MLLT3: variants seen among roughly 807,000 people sequenced by gnomAD.
MLLT3 encodes the protein MLLT3 super elongation complex subunit.
A neutral mutation model predicts 53.2 loss-of-function variants in MLLT3; 4 were observed. The ratio of observed to expected loss-of-function variants is 0.08; its 90% CI spans 0.04 to 0.17. MLLT3 has a LOEUF of 0.17. Ranked by LOEUF, MLLT3 falls within the 10% of genes least tolerant of loss-of-function variation. MLLT3 has a pLI of 1.00. For synonymous variants in MLLT3, 283 were observed against 230.6 expected, an observed-to-expected ratio of 1.23 and a Z score of -2.06; for missense variants, 569 against 684.0, an observed-to-expected ratio of 0.83 and a Z score of 1.87.
Position 20,621,073 on chromosome 9 carries a change from A to AT in MLLT3, c.13-240dup, listed in dbSNP as rs1820991087. 2.8e-5 allele frequency: 18 copies of AT among 653,354 alleles called. No homozygotes were observed. The highest frequency in any genetic ancestry group is 2.7e-4 in the South Asian group (17 of 62,430). The allele number at this position is 653,354 out of a possible 1,614,324, so 40.5% of individuals were successfully genotyped here. On this transcript the variant is annotated intron_variant, in intron 1 of 10. Coordinates refer to ENST00000380338, the MANE Select transcript of MLLT3 (RefSeq NM_004529.4). The surrounding 1 kb of genome is among the most constrained non-coding windows in gnomAD (Gnocchi z 7.0). ...GGGCCCCGCATCTACATCGGACAGGATTGTAACGGAATGTTATCCCCAGTC... is the reference window on the plus strand; with the variant it reads ...GGGCCCCGCATCTACATCGGACAGGATTTGTAACGGAATGTTATCCCCAGTC...
At chr9:20,430,269 C>T (rs572610506) in intron 4 of MLLT3, among the ~76,000 whole-genome samples, 125 of 152,170 alleles carry the variant, frequency 8.2e-4, no homozygotes, top group African/African-American at 3.0e-3. Context: ...AATGTAATTT[C>T]AATTCAAATC....
intron 2 of MLLT3, among the ~76,000 whole-genome samples, chr9:20,503,918 C>T (rs1443222541): frequency 5.9e-5 from 9 of 152,098 alleles, no homozygotes; most frequent in South Asian, 2.1e-4. Flanking sequence ...TCTCAAAAGA[C>T]GACATACAAA....
At chr9:20,555,842 G>C (rs1291585688) in intron 2 of MLLT3, among the ~76,000 whole-genome samples, 1 of 152,200 alleles carries the variant, frequency 6.6e-6, no homozygotes, top group Non-Finnish European at 1.5e-5. Flanking sequence ...AAATGCTTTT[G>C]CAAGTTGGAT....
intron 4 of MLLT3, among the ~76,000 whole-genome samples, chr9:20,430,985 T>A (rs1015342658): frequency 5.3e-5 from 8 of 152,264 alleles, no homozygotes; most frequent in South Asian, 2.1e-4. Flanking sequence ...TTAATGAACA[T>A]ATAATCACTG....
intron 2 of MLLT3, among the ~76,000 whole-genome samples, chr9:20,485,373 T>C (rs1824782847): frequency 1.3e-5 from 2 of 152,254 alleles, no homozygotes; most frequent in South Asian, 4.1e-4. Flanking sequence ...AATATCTGTT[T>C]TGTTAAAATT....
intron 5 of MLLT3, among the ~76,000 whole-genome samples, chr9:20,377,187 G>C (rs1267455337): frequency 6.6e-6 from 1 of 152,144 alleles, no homozygotes. Context: ...TATTGGAGTT[G>C]ACCAATGAAC....
rs1320014033 is a variant in MLLT3, at chr9:20,448,858, C to T, written c.277-592G>A. Among the ~76,000 whole-genome samples, 1 of 152,140 alleles carries T rather than the reference C, an allele frequency of 6.6e-6. No homozygotes were observed. The highest frequency in any genetic ancestry group is 6.6e-5 in the Admixed American group (1 of 15,264). ...ATCTCACTTGAATGTCACATAAGGG[C>T]CTTCATAATCTGGCTCTTGGCTTCA... is the stretch of plus-strand genomic sequence containing the variant. On this transcript the variant is annotated intron_variant, in intron 3 of 10. Transcript: ENST00000380338. This position sits in a 1 kb window ranked among gnomAD's most constrained non-coding sequence, Gnocchi z 4.0.
chr9:20,560,290 A>G (rs1819169692), intron 2 of MLLT3, among the ~76,000 whole-genome samples: 2 of 152,234 alleles, frequency 1.3e-5, no homozygotes, highest in African/African-American at 4.8e-5. Context: ...GAAGGTATGT[A>G]GTCATTTTTA....
chr9:20,380,756 A>G (rs1821889798), intron 5 of MLLT3, among the ~76,000 whole-genome samples: 1 of 151,984 alleles, frequency 6.6e-6, no homozygotes. Flanking sequence ...CTCCTAAGAG[A>G]TTGGTTTTTA....
chr9:20,354,974 C>T, intron 8 of MLLT3, 95 bp from the exon 9 acceptor site: 1 of 748,034 alleles, frequency 1.3e-6, no homozygotes, highest in Non-Finnish European at 2.3e-6. Flanking sequence ...ATGAAATGTA[C>T]AGTAACATTT....
At chr9:20,490,349 G>A (rs935430078) in intron 2 of MLLT3, among the ~76,000 whole-genome samples, 1 of 152,230 alleles carries the variant, frequency 6.6e-6, no homozygotes, top group African/African-American at 2.4e-5. Context: ...TCAGAGAGAT[G>A]GCGTACAAGA....
chr9:20,442,838 C>T (rs1449720934), intron 4 of MLLT3, among the ~76,000 whole-genome samples: 1 of 152,146 alleles, frequency 6.6e-6, no homozygotes, highest in Non-Finnish European at 1.5e-5. Flanking sequence ...AACAGGACTG[C>T]ATTATGCTGC....
At chr9:20,449,470 C>A (rs775618990) in intron 3 of MLLT3, among the ~76,000 whole-genome samples, 3 of 152,172 alleles carry the variant, frequency 2.0e-5, no homozygotes, top group Non-Finnish European at 4.4e-5. Context: ...TCTTTAGCCA[C>A]GCAAGGTGAA....
intron 2 of MLLT3, among the ~76,000 whole-genome samples, chr9:20,535,508 T>G (rs1818458687): frequency 6.6e-6 from 1 of 151,980 alleles, no homozygotes; most frequent in Admixed American, 6.6e-5. Flanking sequence ...CAATATAACT[T>G]TTAATAGAAA....
At chr9:20,526,725 T>C (rs1342881613) in intron 2 of MLLT3, among the ~76,000 whole-genome samples, 1 of 152,224 alleles carries the variant, frequency 6.6e-6, no homozygotes, top group African/African-American at 2.4e-5. Context: ...TGTTTAACTT[T>C]ACTGGCAGTT....
intron 2 of MLLT3, among the ~76,000 whole-genome samples, chr9:20,553,318 T>C (rs1364773159): frequency 6.6e-6 from 1 of 152,198 alleles, no homozygotes; most frequent in African/African-American, 2.4e-5. Flanking sequence ...TAGAAGAGCT[T>C]ATATGCATAT....
At chr9:20,496,433 C>T (rs1388579565) in intron 2 of MLLT3, among the ~76,000 whole-genome samples, 1 of 152,158 alleles carries the variant, frequency 6.6e-6, no homozygotes, top group South Asian at 2.1e-4. Flanking sequence ...GACTAACCTT[C>T]ACTCCATTCT....
chr9:20,469,591 C>T (rs899040047), intron 2 of MLLT3, among the ~76,000 whole-genome samples: 1 of 151,920 alleles, frequency 6.6e-6, no homozygotes, highest in Admixed American at 6.6e-5. Context: ...AAGGCTTCTG[C>T]CAGTAGTTGA....
intron 2 of MLLT3, among the ~76,000 whole-genome samples, chr9:20,489,286 A>T (rs1472483035): frequency 6.6e-6 from 1 of 152,226 alleles, no homozygotes; most frequent in Non-Finnish European, 1.5e-5. Flanking sequence ...TTTTATATCT[A>T]CAGAGGCAGG....
Sources: gnomAD v4.1 joint callset for allele counts (sites outside exome capture counted in the v4.1 genomes callset) on GRCh38, gnomAD v4.1.1 for gene constraint, Gnocchi (gnomAD v3.1) non-coding constraint, MANE v1.5 for transcripts, NCBI Gene and HGNC (gene_info 2026-07-23, HGNC 2026-07-21) for gene names.